PCNX3: variants seen among roughly 807,000 people sequenced by gnomAD.
PCNX3 encodes pecanex-like protein 3.
PCNX3 carries 58 observed loss-of-function variants against 207.2 expected under a neutral mutation model. The observed-to-expected ratio is 0.28, with a 90% CI of 0.23 to 0.35. The LOEUF (loss-of-function observed/expected upper bound fraction) is 0.35, where lower values mean the gene tolerates loss of function less well. PCNX3 is among the 10% of genes least tolerant of loss of function. The pLI is 1.00. For synonymous variants in PCNX3, 1,337 were observed against 1,183.5 expected (o/e 1.13, Z -2.66); for missense variants, 2,410 against 2,774.4 (o/e 0.87, Z 2.95).
Position 65,620,436 on chromosome 11 carries a change from TC to T in PCNX3, c.2099+10del, listed in dbSNP as rs147000329. 4.0e-5 allele frequency: 64 copies of T among 1,610,932 alleles called. No individual in the cohort carries two copies. The East Asian group carries it at 1.4e-3, about 35-fold the overall frequency. On this transcript the variant is annotated splice_region_variant and intron_variant, in intron 9 of 34. Coordinates refer to ENST00000355703, the MANE Select transcript of PCNX3 (RefSeq NM_032223.4). Reference sequence around the variant, plus strand: ...AGACAGCTAATGGAGCCTGGTGAGTTCCCAAGCCTGGCCTCCCAAGCCATTG... The same window carrying T: ...AGACAGCTAATGGAGCCTGGTGAGTTCCAAGCCTGGCCTCCCAAGCCATTG...
In PCNX3 at chr11:65,618,617, T is replaced by C; in HGVS notation, c.1255T>C (p.Phe419Leu). 1.2e-6 allele frequency: 2 copies of C among 1,612,712 alleles called. No homozygotes were observed. The highest frequency in any genetic ancestry group is 1.7e-6 in the Non-Finnish European group (2 of 1,179,802). ...GCCCCTGCTTGAAGGTGGGGGCTTC[T>C]TTGAGGATGAAGACACTAGTGAGGG... is the stretch of plus-strand genomic sequence containing the variant. ...RRPLLEGGGF[F>L]EDEDTSEGSE... The change falls in exon 6 of 35, where the codon TTT (phenylalanine) becomes CTT (leucine). Residue 419 changes from phenylalanine (F) to leucine (L), a missense_variant. Around this residue, in one of 8 missense-constraint regions of PCNX3, gnomAD observed 1,104 missense variants for 970.3 expected, o/e 1.14. Transcript: ENST00000355703.
intron 27 of PCNX3, among the ~76,000 whole-genome samples, chr11:65,632,785 C>G (rs1244047820): frequency 6.6e-6 from 1 of 151,004 alleles, no homozygotes; most frequent in Non-Finnish European, 1.5e-5. Context: ...CATTCTGTCA[C>G]CCAGGCTGGA....
Position 65,616,888 on chromosome 11 carries a change from C to T in PCNX3, c.218C>T (p.Thr73Ile), listed in dbSNP as rs1257215573. The part of the protein sequence containing the change: ...YCLVVAVIFA[T>I]IKTVNYRLHA... ...CTCGTGGTGGCTGTCATCTTTGCTA[C>T]TATCAAGACTGTCAATTATCGGCTT... is the stretch of plus-strand genomic sequence containing the variant. The change falls in exon 2 of 35, where the codon ACT becomes ATT. Residue 73 changes from threonine (T) to isoleucine (I), a missense_variant. Physicochemically the swap from Thr to Ile is moderately conservative, Grantham distance 89. Coordinates refer to ENST00000355703, the MANE Select transcript of PCNX3 (RefSeq NM_032223.4). The T allele has an allele frequency of 1.2e-6, 2 of 1,613,672 alleles. No homozygotes were observed. The highest frequency in any genetic ancestry group is 1.7e-6 in the Non-Finnish European group (2 of 1,179,858).
intron 5 of PCNX3, 39 bp downstream of exon 5, chr11:65,617,745 C>T (rs2135398681): frequency 3.9e-6 from 6 of 1,545,020 alleles, no homozygotes; most frequent in Non-Finnish European, 5.2e-6. Flanking sequence ...GTGGGCTAGA[C>T]CAGCTGTTTC....
intron 10 of PCNX3, among the ~76,000 whole-genome samples, chr11:65,621,436 A>G (rs1316436446): frequency 6.6e-6 from 1 of 152,256 alleles, no homozygotes; most frequent in African/African-American, 2.4e-5. Context: ...GTAAATTTGT[A>G]TACTTAATCT....
At chr11:65,619,715 A>G (rs747874688) in intron 7 of PCNX3, 39 bp from the exon 8 acceptor site, 1 of 1,564,188 alleles carries the variant, frequency 6.4e-7, no homozygotes, top group Non-Finnish European at 8.6e-7. Flanking sequence ...AGGGCCCGCA[A>G]GCTCTAGCTG....
intron 13 of PCNX3, 92 bp from the exon 14 acceptor site, chr11:65,624,103 C>T (rs1855254327): frequency 8.9e-6 from 14 of 1,566,774 alleles, no homozygotes; most frequent in Admixed American, 5.3e-5. Flanking sequence ...CCAGCTTGGA[C>T]CCAGGGCCAG....
chr11:65,624,411 C>G, intron 14 of PCNX3, 45 bp downstream of exon 14: 2 of 1,551,396 alleles, frequency 1.3e-6, no homozygotes, highest in Non-Finnish European at 1.7e-6. Flanking sequence ...AGTGAGTCCC[C>G]GAGGGTGGGC....
At position 65,625,323 on chromosome 11, in the gene PCNX3, G is replaced by A; in HGVS notation, c.3029+43G>A. 6.3e-7 allele frequency: 1 copy of A among 1,594,194 alleles called. No homozygotes were observed. The highest frequency in any genetic ancestry group is 8.5e-7 in the Non-Finnish European group (1 of 1,169,934). On this transcript the variant is annotated intron_variant, in intron 17 of 34. Coordinates refer to ENST00000355703, the MANE Select transcript of PCNX3 (RefSeq NM_032223.4). The surrounding 1 kb of genome is among the most constrained non-coding windows in gnomAD (Gnocchi z 5.6). Reference sequence around the variant, plus strand: ...CGTGTGTTTGTGTCTGCCCAGTAGGGGTTTGTGGTCTGTGCATGTGCCCGT... The same window carrying A: ...CGTGTGTTTGTGTCTGCCCAGTAGGAGTTTGTGGTCTGTGCATGTGCCCGT...
intron 29 of PCNX3, 105 bp downstream of exon 29, chr11:65,634,746 C>T: frequency 2.4e-6 from 3 of 1,246,168 alleles, no homozygotes; most frequent in Non-Finnish European, 3.3e-6. Context: ...ACTGCAGTGG[C>T]CCTTCCTGTT....
intron 2 of PCNX3, 109 bp from the exon 3 acceptor site, chr11:65,617,141 C>G (rs531026873): frequency 7.2e-7 from 1 of 1,389,300 alleles, no homozygotes; most frequent in East Asian, 2.5e-5. Flanking sequence ...CTGTGTTAGC[C>G]CTGGAATTGT....
At chr11:65,624,654 G>C (rs1165979793) in intron 15 of PCNX3, 73 bp downstream of exon 15, 18 of 1,370,004 alleles carry the variant, frequency 1.3e-5, no homozygotes, top group African/African-American at 2.9e-5. Context: ...TTGGGTCCTT[G>C]GCTCCACCCT....
At position 65,636,895 on chromosome 11, in the gene PCNX3, A is replaced by G. The variant is rs765502660; in HGVS notation, c.6022A>G (p.Met2008Val). 5 of 1,554,590 alleles carry G rather than the reference A, an allele frequency of 3.2e-6. No homozygotes were observed. The highest frequency in any genetic ancestry group is 1.4e-5 in the African/African-American group (1 of 73,322). ...DSSAPESGTP[M>V]GALGDWPAPI... ...CAGTGCCCCTGAGAGTGGCACACCT[A>G]TGGGTGCCCTGGGCGACTGGCCTGC... Residue 2008 changes from methionine to valine, a missense_variant, in exon 35 of 35, where the codon ATG becomes GTG. Transcript: ENST00000355703.
rs1855321972 is a variant in PCNX3, at chr11:65,625,251, C to T, written c.3000C>T (p.Ser1000=). 1.2e-6 allele frequency: 2 copies of T among 1,610,510 alleles called. No individual in the cohort carries two copies. Among genetic ancestry groups the T allele is most frequent in the Non-Finnish European group, 8.5e-7 (1 of 1,179,322 alleles). ...GLLVALSYHL[S]RQSSDPTVLW... ...TGGTGGCACTGTCCTACCACCTGAG[C>T]CGGCAGAGCAGCGACCCCACCGTGC... The change falls in exon 17 of 35, where the codon AGC becomes AGT. Residue 1000 remains serine (S), a synonymous_variant. Coordinates refer to ENST00000355703, the MANE Select transcript of PCNX3 (RefSeq NM_032223.4). This position sits in a 1 kb window ranked among gnomAD's most constrained non-coding sequence, Gnocchi z 5.6.
Position 65,625,422 on chromosome 11 carries a change from A to G in PCNX3, c.3047A>G (p.Lys1016Arg), listed in dbSNP as rs1018812179. 1.2e-6 allele frequency: 2 copies of G among 1,604,294 alleles called. No homozygotes were observed. Among genetic ancestry groups the G allele is most frequent in the Admixed American group, 3.3e-5 (2 of 59,918 alleles). The change falls in exon 18 of 35, where the codon AAG becomes AGG. Residue 1016 changes from lysine (K) to arginine (R), a missense_variant. This residue lies in a region of PCNX3 where 333 missense variants were observed against 386.8 expected (regional missense o/e 0.86). Coordinates refer to ENST00000355703, the MANE Select transcript of PCNX3 (RefSeq NM_032223.4). This position sits in a 1 kb window ranked among gnomAD's most constrained non-coding sequence, Gnocchi z 5.6. ...PTVLWSLIRS[K>R]LFPELEERSL... ...ACCCCCAGGTCTCTGATCCGGAGCA[A>G]GCTGTTCCCTGAGCTGGAGGAGCGC...
In PCNX3 at chr11:65,625,351, CTG is replaced by C; in HGVS notation, c.3030-53_3030-52del. 1.9e-6 allele frequency: 3 copies of C among 1,594,058 alleles called. No individual in the cohort carries two copies. Among genetic ancestry groups the C allele is most frequent in the Non-Finnish European group, 2.6e-6 (3 of 1,171,656 alleles). On this transcript the variant is annotated intron_variant, in intron 17 of 34. Transcript: ENST00000355703. The surrounding 1 kb of genome is among the most constrained non-coding windows in gnomAD (Gnocchi z 5.6). ...TTGTGGTCTGTGCATGTGCCCGTGA[CTG>C]GGGCCGGGGGGAAGGAGGGGCGGCC...
intron 32 of PCNX3, 93 bp from the exon 33 acceptor site, chr11:65,636,081 G>C: frequency 6.6e-7 from 1 of 1,509,636 alleles, no homozygotes; most frequent in Non-Finnish European, 9.0e-7. Context: ...AGAGGTGTTA[G>C]ATGACTTGTC....
In PCNX3 at chr11:65,616,943, G is replaced by T; in HGVS notation, c.273G>T (p.Val91=). 1 of 1,613,424 alleles carries T rather than the reference G, an allele frequency of 6.2e-7. No individual in the cohort carries two copies. ...LHAMFDQGEI[V]EKRSSTMGEL... is the part of the protein sequence containing the mutation. Reference sequence around the variant, plus strand: ...CCATGTTTGACCAGGGCGAGATCGTGGAGAAGCGCAGCTCTACCATGGGGG... The same window carrying T: ...CCATGTTTGACCAGGGCGAGATCGTTGAGAAGCGCAGCTCTACCATGGGGG... The change falls in exon 2 of 35, where the codon GTG becomes GTT. Residue 91 remains valine (V), a synonymous_variant. Coordinates refer to ENST00000355703, the MANE Select transcript of PCNX3 (RefSeq NM_032223.4).
rs1251264714 is a variant in PCNX3, at chr11:65,627,046, C to T, written c.3522C>T (p.Phe1174=). The T allele has an allele frequency of 6.6e-7, 1 of 1,505,070 alleles. No individual in the cohort carries two copies. Among genetic ancestry groups the T allele is most frequent in the Admixed American group, 2.3e-5 (1 of 42,908 alleles). The allele number at this position is 1,505,070 out of a possible 1,614,324, so 93.2% of individuals were successfully genotyped here. Residue 1174 remains phenylalanine (F), a splice_region_variant and synonymous_variant, in exon 21 of 35, where the codon TTC becomes TTT. Coordinates refer to ENST00000355703, the MANE Select transcript of PCNX3 (RefSeq NM_032223.4). Reference sequence around the variant, plus strand: ...TCAGCCACCCGGACAAGTACTGCTTCTAGTGAGGACCACCCCACCCTCAAC... The same window carrying T: ...TCAGCCACCCGGACAAGTACTGCTTTTAGTGAGGACCACCCCACCCTCAAC... ...TVVSHPDKYC[F]YCRALLMTVA... is the part of the protein sequence containing the mutation.
Sources: gnomAD v4.1 joint callset for allele counts (sites outside exome capture counted in the v4.1 genomes callset) on GRCh38, gnomAD v4.1.1 for gene constraint, gnomAD v4.1.1 regional missense constraint, Gnocchi (gnomAD v3.1) non-coding constraint, MANE v1.5 for transcripts, NCBI Gene and HGNC (gene_info 2026-07-23, HGNC 2026-07-21) for gene names.